Variants in PKIB observed in about 807,000 individuals in gnomAD.
The protein encoded by PKIB is PKI-beta.
PKIB carries 2 observed loss-of-function variants against 4.5 expected under a neutral mutation model. That is an observed-to-expected ratio of 0.44 (90% CI 0.18 to 1.39). The LOEUF (loss-of-function observed/expected upper bound fraction) is 1.39, where lower values mean the gene tolerates loss of function less well. Among genes scored for constraint, PKIB ranks in the 40% most tolerant of loss-of-function variants. The probability of loss-of-function intolerance (pLI) is 0.27; values close to 1 mark genes in which losing one functional copy is unlikely to be tolerated. For missense variants in PKIB, 94 were observed against 92.6 expected (o/e 1.02, Z -0.06); for synonymous variants, 38 against 36.0 (o/e 1.06, Z -0.20).
At chr6:122,514,300 A>C (rs1374429922) in intron 2 of PKIB, among the ~76,000 whole-genome samples, 2 of 152,156 alleles carry the variant, frequency 1.3e-5, no homozygotes, top group African/African-American at 4.8e-5. Context: ...CCTGGAAAAA[A>C]ACCCATGCCA....
intron 3 of PKIB, chr6:122,700,980 T>C (rs1220018057): frequency 3.1e-5 from 5 of 159,774 alleles, no homozygotes; most frequent in Admixed American, 6.2e-5. Context: ...AGCCCAGGCA[T>C]ACTGGCTATG....
chr6:122,624,418 A>G (rs1259043979), intron 1 of PKIB, among the ~76,000 whole-genome samples: 2 of 152,192 alleles, frequency 1.3e-5, no homozygotes, highest in Admixed American at 6.5e-5. Flanking sequence ...TCTCTCCAGT[A>G]TAAGATGTGA....
intron 2 of PKIB, among the ~76,000 whole-genome samples, chr6:122,525,070 A>C (rs1365592423): frequency 6.6e-6 from 1 of 150,906 alleles, no homozygotes; most frequent in Admixed American, 6.6e-5. Context: ...TTTTTTTTTT[A>C]AATGTATGCA....
intron 1 of PKIB, among the ~76,000 whole-genome samples, chr6:122,611,025 C>T (rs1444703041): frequency 6.6e-6 from 1 of 152,254 alleles, no homozygotes; most frequent in Non-Finnish European, 1.5e-5. Context: ...GTCACCTCAC[C>T]TCACTGGCCT....
At chr6:122,633,653 C>T (rs1775786983) in intron 2 of PKIB, among the ~76,000 whole-genome samples, 1 of 152,072 alleles carries the variant, frequency 6.6e-6, no homozygotes, top group Non-Finnish European at 1.5e-5. Context: ...CTTAGCTGTG[C>T]CTACTTAAAT....
At position 122,661,626 on chromosome 6, in the gene PKIB, TTTG is replaced by T. The variant is rs573592901; in HGVS notation, c.-75-13451_-75-13449del. ...ATGGACATTTGTGTTTTTTCCACTT[TTTG>T]GCTATTATGAGTAACATTGCTATGA... On this transcript the variant is annotated intron_variant, in intron 2 of 4. Coordinates refer to ENST00000368452, the MANE Select transcript of PKIB (RefSeq NM_181795.3). 5.8e-4 allele frequency among the ~76,000 whole-genome samples: 88 copies of T among 152,348 alleles called. No homozygotes were observed. In the South Asian group the frequency reaches 6.6e-3, roughly 11 times the overall value.
At chr6:122,592,639 G>A (rs538341222) in intron 3 of PKIB, among the ~76,000 whole-genome samples, 23 of 152,184 alleles carry the variant, frequency 1.5e-4, no homozygotes, top group East Asian at 7.7e-4. Context: ...TCAGAAAAAC[G>A]TAAACACTAA....
intron 2 of PKIB, among the ~76,000 whole-genome samples, chr6:122,664,683 C>T (rs983114813): frequency 1.3e-5 from 2 of 152,172 alleles, no homozygotes; most frequent in Non-Finnish European, 2.9e-5. Flanking sequence ...ATATGAGCCA[C>T]TGTTCCTGGT....
At chr6:122,521,183 CTT>C (rs1475629901) in intron 2 of PKIB, among the ~76,000 whole-genome samples, 1 of 152,184 alleles carries the variant, frequency 6.6e-6, no homozygotes, top group East Asian at 1.9e-4. Flanking sequence ...ATTCGGAAAA[CTT>C]AGTGGATCGG....
At chr6:122,556,650 A>G (rs1772851249) in intron 2 of PKIB, among the ~76,000 whole-genome samples, 1 of 152,082 alleles carries the variant, frequency 6.6e-6, no homozygotes, top group Non-Finnish European at 1.5e-5. Context: ...GCTGTATGGA[A>G]CCTCTGGCAG....
At chr6:122,494,607 TTAAG>T (rs1303418345) in intron 2 of PKIB, among the ~76,000 whole-genome samples, 4 of 152,132 alleles carry the variant, frequency 2.6e-5, no homozygotes, top group African/African-American at 4.8e-5. Context: ...AAAATTGCCT[TTAAG>T]TAAATCTTGA....
chr6:122,708,164 A>G lies in PKIB; in HGVS notation c.-8-9623A>G, dbSNP rs200796426. On this transcript the variant is annotated intron_variant, in intron 3 of 4. Transcript: ENST00000368452. ...TGCAATCATAAGTAAATGCGAATAC[A>G]TTTTCAAAGCTAGTAAGTGCTAAGA... 7.2e-5 allele frequency among the ~76,000 whole-genome samples: 11 copies of G among 152,244 alleles called. No individual in the cohort carries two copies. In the East Asian group the frequency reaches 1.9e-3, roughly 27 times the overall value.
intron 2 of PKIB, among the ~76,000 whole-genome samples, chr6:122,659,437 A>C (rs751917660): frequency 6.6e-6 from 1 of 152,182 alleles, no homozygotes; most frequent in Non-Finnish European, 1.5e-5. Context: ...AATCAAACTG[A>C]ATATGAAATC....
chr6:122,646,983 T>A (rs1776345376), intron 2 of PKIB, among the ~76,000 whole-genome samples: 2 of 152,176 alleles, frequency 1.3e-5, no homozygotes, highest in Admixed American at 1.3e-4. Flanking sequence ...TTTAATATTT[T>A]CCACTTTTAC....
chr6:122,534,868 A>G (rs968415176), intron 2 of PKIB, among the ~76,000 whole-genome samples: 2 of 152,284 alleles, frequency 1.3e-5, no homozygotes, highest in South Asian at 4.1e-4. Context: ...TATATGTGTG[A>G]TTAATAAAAG....
intron 1 of PKIB, among the ~76,000 whole-genome samples, chr6:122,616,656 C>T (rs1184226063): frequency 6.6e-6 from 1 of 151,534 alleles, no homozygotes; most frequent in East Asian, 1.9e-4. Flanking sequence ...AGGCCTTGAA[C>T]ATACAATGTT....
At chr6:122,573,397 A>G (rs1053667369) in intron 2 of PKIB, among the ~76,000 whole-genome samples, 1 of 151,542 alleles carries the variant, frequency 6.6e-6, no homozygotes, top group Non-Finnish European at 1.5e-5. Flanking sequence ...TAGTACACAC[A>G]TGTTCTCCCA....
intron 2 of PKIB, among the ~76,000 whole-genome samples, chr6:122,489,404 C>T (rs751442777): frequency 6.6e-6 from 1 of 152,076 alleles, no homozygotes; most frequent in Non-Finnish European, 1.5e-5. Flanking sequence ...CCTGCCACCA[C>T]ACCCAGCTAA....
intron 3 of PKIB, among the ~76,000 whole-genome samples, chr6:122,687,080 T>C (rs984516479): frequency 6.6e-6 from 1 of 152,186 alleles, no homozygotes; most frequent in Non-Finnish European, 1.5e-5. Context: ...TGTTTTCCTT[T>C]AGTAGTTTCA....
Sources: allele counts gnomAD v4.1 joint callset (sites outside exome capture counted in the v4.1 genomes callset), GRCh38; gene constraint gnomAD v4.1.1; transcripts MANE v1.5; gene names NCBI Gene and HGNC (gene_info 2026-07-23, HGNC 2026-07-21).